ZNF624: variants seen among roughly 807,000 people sequenced by gnomAD.
ZNF624 encodes the protein zinc finger protein 624.
ZNF624 carries 43 observed loss-of-function variants against 74.7 expected under a neutral mutation model. That is an observed-to-expected ratio of 0.58 (90% confidence interval 0.45 to 0.74). The LOEUF (loss-of-function observed/expected upper bound fraction) is 0.74, where lower values mean the gene tolerates loss of function less well. ZNF624 is among the 30% of genes least tolerant of loss of function. The pLI is 0.00. For synonymous variants in ZNF624, 331 were observed against 341.3 expected (o/e 0.97, Z 0.33); for missense variants, 820 against 1,030.0 (o/e 0.80, Z 2.79).
intron 1 of ZNF624, 91 bp from the exon 2 acceptor site, chr17:16,649,837 C>G: frequency 1.0e-6 from 1 of 967,916 alleles, no homozygotes; most frequent in Non-Finnish European, 1.6e-6. Context: ...GTGAGCATGA[C>G]CTCCCTAAGG....
downstream of ZNF624, chr17:16,616,715 A>G (rs1337825896): frequency 1.9e-6 from 1 of 518,606 alleles, no homozygotes; most frequent in East Asian, 3.2e-5. Flanking sequence ...ATTTGGCCAC[A>G]TATCAAATTT....
downstream of ZNF624, among the ~76,000 whole-genome samples, chr17:16,618,816 CG>C (rs1278780756): frequency 6.6e-6 from 1 of 152,042 alleles, no homozygotes; most frequent in Non-Finnish European, 1.5e-5. Flanking sequence ...CTCTAGCTTA[CG>C]TAAGAGTACA....
At chr17:16,639,925 C>T (rs538226633) in intron 3 of ZNF624, among the ~76,000 whole-genome samples, 164 of 152,144 alleles carry the variant, frequency 1.1e-3, no homozygotes, top group African/African-American at 3.9e-3. Context: ...AAAGCATGGA[C>T]CCATACACAG....
Position 16,620,943 on chromosome 17 carries a change from G to T in ZNF624, c.*1345C>A, listed in dbSNP as rs1432114106. ...TACATTTACAGTTTTATACCATAAA[G>T]GCAGCATTTACATTTTTCTGTTTTT... On this transcript the variant is annotated 3_prime_UTR_variant, in exon 6 of 6. Transcript: ENST00000311331. The T allele has an allele frequency of 6.6e-6, 1 of 151,856 alleles. No individual in the cohort carries two copies. The allele number at this position is 151,856 out of a possible 1,614,324, so 9.4% of individuals were successfully genotyped here.
chr17:16,624,341 T>C lies in ZNF624; in HGVS notation c.545A>G (p.Gln182Arg), dbSNP rs766278082. 2 of 1,613,782 alleles carry C rather than the reference T, an allele frequency of 1.2e-6. No homozygotes were observed. The highest frequency in any genetic ancestry group is 1.1e-5 in the South Asian group (1 of 90,898). The change falls in exon 6 of 6, where the codon CAG becomes CGG. Residue 182 changes from glutamine (Q) to arginine (R), a missense_variant. Physicochemically the swap from Gln to Arg is conservative, Grantham distance 43. Coordinates refer to ENST00000311331, the MANE Select transcript of ZNF624 (RefSeq NM_020787.4). ...NDRILRLQNN[Q>R]ENHLSQRIIP... is the part of the protein sequence containing the mutation. ...TATTCTTTGACTCAAATGATTCTCC[T>C]GATTATTTTGTAATCTCAATATCCT...
At chr17:16,617,768 G>A, downstream of ZNF624, 5 of 1,609,228 alleles carry the variant, frequency 3.1e-6, no homozygotes, top group Non-Finnish European at 4.2e-6. Context: ...ACTCCACGAA[G>A]CCGTAGCCAT....
chr17:16,625,431 C>T (rs561403578), intron 5 of ZNF624, among the ~76,000 whole-genome samples: 2 of 152,348 alleles, frequency 1.3e-5, no homozygotes, highest in Non-Finnish European at 2.9e-5. Context: ...ATCCACCCAC[C>T]TCAGCCTCCC....
At chr17:16,629,579 T>C (rs1003410526) in intron 5 of ZNF624, among the ~76,000 whole-genome samples, 2 of 152,070 alleles carry the variant, frequency 1.3e-5, no homozygotes, top group African/African-American at 2.4e-5. Context: ...ACTTACTTAC[T>C]TATTTTGAGA....
downstream of ZNF624, among the ~76,000 whole-genome samples, chr17:16,620,083 G>C (rs16959857): frequency 0.23 from 35,317 of 152,088 alleles, 4,549 homozygotes; most frequent in East Asian, 0.35. Context: ...TCACATCAGT[G>C]TCTTTCCCAA....
intron 3 of ZNF624, among the ~76,000 whole-genome samples, chr17:16,643,933 T>A (rs929117343): frequency 6.6e-6 from 1 of 151,764 alleles, no homozygotes. Flanking sequence ...TAATGGGAGG[T>A]GTTTGTGTCA....
At chr17:16,625,599 G>GA (rs1208095054) in intron 5 of ZNF624, among the ~76,000 whole-genome samples, 2 of 151,826 alleles carry the variant, frequency 1.3e-5, no homozygotes, top group Admixed American at 6.6e-5. Context: ...AACTTTTATG[G>GA]AAAAAAAACT....
At chr17:16,628,465 A>G (rs1175776440) in intron 5 of ZNF624, among the ~76,000 whole-genome samples, 3 of 152,338 alleles carry the variant, frequency 2.0e-5, no homozygotes, top group Non-Finnish European at 4.4e-5. Flanking sequence ...AGTATAAAAT[A>G]ACCAAATGAA....
chr17:16,633,812 T>C (rs749342563), intron 5 of ZNF624, 50 bp downstream of exon 5: 27 of 1,392,926 alleles, frequency 1.9e-5, no homozygotes, highest in Non-Finnish European at 2.5e-5. Context: ...CATCCCCCTA[T>C]AGTCTGTTAC....
intron 5 of ZNF624, among the ~76,000 whole-genome samples, chr17:16,631,116 G>C (rs758845799): frequency 1.3e-5 from 2 of 151,998 alleles, no homozygotes; most frequent in East Asian, 1.9e-4. Flanking sequence ...AAGATTGCTA[G>C]AAAATTCCCA....
In ZNF624 at chr17:16,622,180, T is replaced by C. The variant is rs1373606074; in HGVS notation, c.*108A>G. The C allele has an allele frequency of 1.9e-5, 15 of 807,576 alleles. No individual in the cohort carries two copies. The East Asian group carries it at 3.7e-4, about 20-fold the overall frequency. The allele number at this position is 807,576 out of a possible 1,614,324, so 50.0% of individuals were successfully genotyped here. A position where few individuals can be genotyped will look rare whatever the true frequency, so the allele number is the denominator to read the frequency against. On this transcript the variant is annotated 3_prime_UTR_variant, in exon 6 of 6. Transcript: ENST00000311331. The stretch of plus-strand genomic sequence containing the variant: ...CCCACATAATTGCTTATAGTTTCTC[T>C]GTATACTTTCTGATAAATTCCTAAT...
At chr17:16,619,328 AAAG>A (rs1244126179), downstream of ZNF624, among the ~76,000 whole-genome samples, 2 of 152,222 alleles carry the variant, frequency 1.3e-5, no homozygotes, top group African/African-American at 2.4e-5. Context: ...ACTGGGCAAA[AAAG>A]CACTAATCAT....
At position 16,622,184 on chromosome 17, in the gene ZNF624, T is replaced by C. The variant is rs1908931487; in HGVS notation, c.*104A>G. 1.2e-6 allele frequency: 1 copy of C among 851,692 alleles called. No homozygotes were observed. Among genetic ancestry groups the C allele is most frequent in the Admixed American group, 3.1e-5 (1 of 32,592 alleles). The allele number at this position is 851,692 out of a possible 1,614,324, so 52.8% of individuals were successfully genotyped here. On this transcript the variant is annotated 3_prime_UTR_variant, in exon 6 of 6. Transcript: ENST00000311331. ...CATAATTGCTTATAGTTTCTCTGTATACTTTCTGATAAATTCCTAATGAAG... is the reference window on the plus strand; with the variant it reads ...CATAATTGCTTATAGTTTCTCTGTACACTTTCTGATAAATTCCTAATGAAG...
chr17:16,622,523 C>CATT lies in ZNF624; in HGVS notation c.2362_2363insAAT (p.Gly788delinsGluCys). On this transcript the variant is annotated protein_altering_variant, in exon 6 of 6. Coordinates refer to ENST00000311331, the MANE Select transcript of ZNF624 (RefSeq NM_020787.4). ...GGTTAGCTGTGATAGAGTAATACAA[C>CATT]CCTTTCCACATTCCTTACAGGTGTA... 1 of 1,613,862 alleles carries CATT rather than the reference C, an allele frequency of 6.2e-7. No individual in the cohort carries two copies. The highest frequency in any genetic ancestry group is 8.5e-7 in the Non-Finnish European group (1 of 1,179,874).
intron 3 of ZNF624, among the ~76,000 whole-genome samples, chr17:16,637,166 G>C (rs1909353922): frequency 6.6e-6 from 1 of 152,138 alleles, no homozygotes. Flanking sequence ...ACTTACAAGG[G>C]ATGTGAAGGA....
Sources: gnomAD v4.1 joint callset for allele counts (sites outside exome capture counted in the v4.1 genomes callset) on GRCh38, gnomAD v4.1.1 for gene constraint, MANE v1.5 for transcripts, NCBI Gene and HGNC (gene_info 2026-07-23, HGNC 2026-07-21) for gene names.